The following LRP1B variants were observed in gnomAD, a reference collection of about 807,000 sequenced individuals.
The protein encoded by LRP1B is low-density lipoprotein receptor-related protein 1B.
A neutral mutation model predicts 556.6 loss-of-function variants in LRP1B; 217 were observed. The ratio of observed to expected loss-of-function variants is 0.39; its 90% CI spans 0.35 to 0.44. The LOEUF (loss-of-function observed/expected upper bound fraction) is 0.44. Among genes scored for constraint, LRP1B ranks in the 20% least tolerant of loss-of-function variants. The pLI is 1.00. For synonymous variants in LRP1B, 2,047 were observed against 1,865.8 expected (o/e 1.10, Z -2.50); for missense variants, 5,053 against 5,620.8 (o/e 0.90, Z 3.23).
At chr2:140,414,973 T>C (rs1435916461) in intron 66 of LRP1B, among the ~76,000 whole-genome samples, 7 of 152,220 alleles carry the variant, frequency 4.6e-5, no homozygotes, top group African/African-American at 1.7e-4. Context: ...GGAATATTAA[T>C]ATTAGTACCC....
intron 1 of LRP1B, among the ~76,000 whole-genome samples, chr2:141,817,652 A>G (rs988379316): frequency 2.0e-5 from 3 of 152,158 alleles, no homozygotes; most frequent in Non-Finnish European, 4.4e-5. Context: ...GTCAAATACT[A>G]AAACTATCAT....
intron 49 of LRP1B, among the ~76,000 whole-genome samples, chr2:140,521,151 C>T (rs1187296113): frequency 6.6e-6 from 1 of 151,702 alleles, no homozygotes; most frequent in Non-Finnish European, 1.5e-5. Flanking sequence ...TGAAAATATC[C>T]CCAATCTTGC....
intron 46 of LRP1B, among the ~76,000 whole-genome samples, chr2:140,535,925 A>G (rs961500999): frequency 6.6e-6 from 1 of 152,128 alleles, no homozygotes; most frequent in African/African-American, 2.4e-5. Context: ...ACCAAAGGAC[A>G]CTAGCCCCCA....
At position 141,828,508 on chromosome 2, in the gene LRP1B, C is replaced by A. The variant is rs188175434; in HGVS notation, c.83-18107G>T. The stretch of plus-strand genomic sequence containing the variant: ...CGAGAATAGATATTTCTATAAAGAA[C>A]GGAGAAAAGATGAATAAGTAATATT... On this transcript the variant is annotated intron_variant, in intron 1 of 90. Coordinates refer to ENST00000389484, the MANE Select transcript of LRP1B (RefSeq NM_018557.3). 3.1e-3 allele frequency among the ~76,000 whole-genome samples: 476 copies of A among 152,184 alleles called. 6 individuals carry two copies. Among genetic ancestry groups the A allele is most frequent in the Non-Finnish European group, 4.3e-3 (294 of 67,986 alleles).
At chr2:141,199,093 A>G (rs1357729641) in intron 6 of LRP1B, among the ~76,000 whole-genome samples, 1 of 152,156 alleles carries the variant, frequency 6.6e-6, no homozygotes, top group African/African-American at 2.4e-5. Flanking sequence ...CCATGACACC[A>G]TAGAAGAAAT....
intron 28 of LRP1B, 101 bp from the exon 29 acceptor site, chr2:140,850,430 AAATCAC>A (rs1692423268): frequency 1.6e-6 from 1 of 633,868 alleles, no homozygotes; most frequent in Non-Finnish European, 2.7e-6. Context: ...TAACTCCCAA[AAATCAC>A]AATCAATATT....
intron 66 of LRP1B, among the ~76,000 whole-genome samples, chr2:140,399,164 TACACACACACACAC>T (rs67690255): frequency 1.6e-5 from 2 of 122,412 alleles, no homozygotes; most frequent in Admixed American, 7.7e-5. Context: ...AAGACCAAGA[TACACACACACACAC>T]ACACACACAC....
intron 28 of LRP1B, 122 bp from the exon 29 acceptor site, chr2:140,850,451 G>A (rs943362513): frequency 1.0e-5 from 6 of 595,848 alleles, no homozygotes; most frequent in African/African-American, 5.6e-5. Context: ...AATATTTGAT[G>A]GAAACAATGC....
intron 1 of LRP1B, among the ~76,000 whole-genome samples, chr2:141,849,398 G>A (rs1697766258): frequency 1.3e-5 from 2 of 151,326 alleles, no homozygotes; most frequent in Non-Finnish European, 3.0e-5. Context: ...TCTTAATTAT[G>A]GCGTTGACTT....
chr2:141,347,525 A>G (rs1239950427), intron 3 of LRP1B, among the ~76,000 whole-genome samples: 3 of 151,990 alleles, frequency 2.0e-5, no homozygotes, highest in Non-Finnish European at 4.4e-5. Flanking sequence ...TAATATAAAA[A>G]TATTGAGCTT....
chr2:141,625,577 T>C (rs1478605859), intron 2 of LRP1B, among the ~76,000 whole-genome samples: 1 of 152,168 alleles, frequency 6.6e-6, no homozygotes, highest in Non-Finnish European at 1.5e-5. Context: ...GAGACTCTTA[T>C]TTACCTTTCT....
At chr2:140,756,655 T>C (rs887285990) in intron 35 of LRP1B, among the ~76,000 whole-genome samples, 4 of 152,266 alleles carry the variant, frequency 2.6e-5, no homozygotes, top group South Asian at 4.1e-4. Flanking sequence ...TCCATATGTG[T>C]ATAGCAAAAT....
At chr2:141,710,875 C>G (rs1692333205) in intron 2 of LRP1B, among the ~76,000 whole-genome samples, 1 of 152,146 alleles carries the variant, frequency 6.6e-6, no homozygotes, top group Non-Finnish European at 1.5e-5. Context: ...TGATCACTGT[C>G]ACTTGTTTTG....
chr2:141,655,839 A>G (rs1289579058), intron 2 of LRP1B, among the ~76,000 whole-genome samples: 4 of 152,118 alleles, frequency 2.6e-5, no homozygotes, highest in Non-Finnish European at 4.4e-5. Flanking sequence ...GCCAAGTAGG[A>G]AATATATTTA....
At position 140,701,616 on chromosome 2, in the gene LRP1B, A is replaced by G. The variant is rs1686643980; in HGVS notation, c.6427+105T>C. ...AATTAGATGTAAAGATAATGTTTTG[A>G]GGTTTTAGACTTATAGAAGAATTTC... On this transcript the variant is annotated intron_variant, in intron 40 of 90. Coordinates refer to ENST00000389484, the MANE Select transcript of LRP1B (RefSeq NM_018557.3). The G allele has an allele frequency of 1.7e-5, 18 of 1,063,028 alleles. No individual in the cohort carries two copies. In the South Asian group the frequency reaches 2.9e-4, roughly 17 times the overall value. The allele number at this position is 1,063,028 out of a possible 1,614,324, so 65.8% of individuals were successfully genotyped here. A position where few individuals can be genotyped will look rare whatever the true frequency, so the allele number is the denominator to read the frequency against.
intron 11 of LRP1B, among the ~76,000 whole-genome samples, chr2:141,030,966 G>C (rs977207853): frequency 1.3e-5 from 2 of 151,776 alleles, no homozygotes; most frequent in African/African-American, 4.8e-5. Context: ...AAATAAACCT[G>C]GTCTGAGTTA....
intron 37 of LRP1B, among the ~76,000 whole-genome samples, chr2:140,712,255 A>C (rs942588096): frequency 2.0e-5 from 3 of 152,154 alleles, no homozygotes; most frequent in Non-Finnish European, 2.9e-5. Context: ...GGTAAAGTTT[A>C]GACTCTAGAG....
intron 2 of LRP1B, among the ~76,000 whole-genome samples, chr2:141,704,446 G>C (rs1032058691): frequency 6.6e-6 from 1 of 151,702 alleles, no homozygotes; most frequent in African/African-American, 2.4e-5. Context: ...TTTATTCAAC[G>C]TAACATATAA....
intron 6 of LRP1B, among the ~76,000 whole-genome samples, chr2:141,206,759 T>C (rs2105239523): frequency 6.6e-6 from 1 of 152,274 alleles, no homozygotes; most frequent in Non-Finnish European, 1.5e-5. Flanking sequence ...TTCTGCATGC[T>C]AATCAAAGTG....
Sources: allele counts gnomAD v4.1 joint callset (sites outside exome capture counted in the v4.1 genomes callset), GRCh38; gene constraint gnomAD v4.1.1; transcripts MANE v1.5; gene names NCBI Gene and HGNC (gene_info 2026-07-23, HGNC 2026-07-21).